DUS3L: variants seen among roughly 807,000 people sequenced by gnomAD.
The protein encoded by DUS3L is tRNA-dihydrouridine(47) synthase [NAD(P)(+)]-like.
In DUS3L, 62 loss-of-function variants were observed where a neutral mutation model predicts 74.6. That is an observed-to-expected ratio of 0.83 (90% CI 0.68 to 1.03). DUS3L has a LOEUF of 1.03. Ranked by LOEUF, DUS3L falls within the 50% of genes least tolerant of loss-of-function variation. DUS3L has a pLI of 0.00. For synonymous variants in DUS3L, 433 were observed against 395.7 expected (o/e 1.09, Z -1.12); for missense variants, 884 against 924.4 (o/e 0.96, Z 0.57).
Position 5,785,233 on chromosome 19 carries a change from CAAG to C in DUS3L, c.1920_1922del (p.Phe640del), listed in dbSNP as rs750273242. 1 of 1,610,464 alleles carries C rather than the reference CAAG, an allele frequency of 6.2e-7. No homozygotes were observed. Among genetic ancestry groups the C allele is most frequent in the South Asian group, 1.1e-5 (1 of 90,542 alleles). ...TGTACGCGTTGGCCTTGTGCTTCGG[CAAG>C]AAGGCGAAGCTGGGGGGCACTGGCC... is the stretch of plus-strand genomic sequence containing the variant. On this transcript the variant is annotated inframe_deletion, in exon 13 of 13. Transcript: ENST00000309061.
Position 5,787,331 on chromosome 19 carries a change from T to C in DUS3L, c.1243A>G (p.Thr415Ala). ...CCACGGACGATCTGCTGGAACTTGG[T>C]GGAGCGATTCATGAGGGCACAGCCC... Reference protein sequence around the residue: ...GGGCALMNRSTKFQQIVRGMN... With the variant: ...GGGCALMNRSAKFQQIVRGMN... The change falls in exon 7 of 13, where the codon ACC becomes GCC. Residue 415 changes from threonine to alanine, a missense_variant. By Grantham distance (58) the Thr-to-Ala change is moderately conservative. Transcript: ENST00000309061. 1 of 1,416,298 alleles carries C rather than the reference T, an allele frequency of 7.1e-7. No homozygotes were observed. The highest frequency in any genetic ancestry group is 2.3e-5 in the African/African-American group (1 of 42,686). The allele number at this position is 1,416,298 out of a possible 1,614,324, so 87.7% of individuals were successfully genotyped here.
At chr19:5,788,235 A>AC in intron 4 of DUS3L, 59 bp from the exon 5 acceptor site, 2 of 1,567,316 alleles carry the variant, frequency 1.3e-6, no homozygotes, top group South Asian at 2.3e-5. Flanking sequence ...ACACACACAC[A>AC]GCAGAACCCT....
At chr19:5,785,814 TG>T in intron 10 of DUS3L, 23 bp from the exon 11 acceptor site, 1 of 1,553,700 alleles carries the variant, frequency 6.4e-7, no homozygotes, top group Non-Finnish European at 8.7e-7. Context: ...TGACGATCAG[TG>T]GGCCCAGCCA....
chr19:5,787,773 C>T, intron 5 of DUS3L, 68 bp from the exon 6 acceptor site: 1 of 1,558,662 alleles, frequency 6.4e-7, no homozygotes, highest in Non-Finnish European at 8.8e-7. Flanking sequence ...TTGGCCGTTC[C>T]CTCCCCACTG....
chr19:5,786,898 G>A (rs2056848597), intron 8 of DUS3L, 53 bp from the exon 9 acceptor site: 1 of 1,550,628 alleles, frequency 6.4e-7, no homozygotes. Context: ...GACGCAGAGA[G>A]GAAGAGACCA....
At chr19:5,789,034 C>T in intron 3 of DUS3L, 173 bp downstream of exon 3, 1 of 806,458 alleles carries the variant, frequency 1.2e-6, no homozygotes, top group East Asian at 4.3e-5. Flanking sequence ...TCCCCACCTC[C>T]TGAGGGCTGG....
intron 2 of DUS3L, 135 bp from the exon 3 acceptor site, chr19:5,789,854 C>T (rs1177045855): frequency 3.2e-5 from 42 of 1,320,264 alleles, no homozygotes; most frequent in Non-Finnish European, 4.0e-5. Flanking sequence ...CGTGCCTCTG[C>T]ATCTCCATTT....
rs914011308 is a variant in DUS3L at position 5,790,756 on chromosome 19, G to GTAC, written c.98+285_98+287dup. 12 of 568,952 alleles carry GTAC rather than the reference G, an allele frequency of 2.1e-5. No homozygotes were observed. The East Asian group carries it at 3.6e-4, about 17-fold the overall frequency. The allele number at this position is 568,952 out of a possible 1,614,324, so 35.2% of individuals were successfully genotyped here. A position where few individuals can be genotyped will look rare whatever the true frequency, so the allele number is the denominator to read the frequency against. On this transcript the variant is annotated intron_variant, in intron 1 of 12. Coordinates refer to ENST00000309061, the MANE Select transcript of DUS3L (RefSeq NM_020175.3). ...CGGCCGCTGGCAGAGCACATGCGCCGTACGTCCATATGCAGGGACTACAAT... is the reference window on the plus strand; with the variant it reads ...CGGCCGCTGGCAGAGCACATGCGCCGTACTACGTCCATATGCAGGGACTACAAT...
chr19:5,786,664 G>A (rs1036293867), intron 9 of DUS3L, 85 bp downstream of exon 9: 21 of 1,572,230 alleles, frequency 1.3e-5, no homozygotes, highest in Non-Finnish European at 1.8e-5. Context: ...GTACGAGGGG[G>A]TCCCAAGTGG....
intron 8 of DUS3L, 93 bp downstream of exon 8, chr19:5,786,968 G>A (rs1465623105): frequency 7.4e-6 from 11 of 1,488,128 alleles, no homozygotes; most frequent in African/African-American, 2.8e-5. Flanking sequence ...GAGGTGTGGA[G>A]GTGAAGAGGG....
At position 5,787,223 on chromosome 19, in the gene DUS3L, C is replaced by CA. The variant is rs1599619328; in HGVS notation, c.1279-53_1279-52insT. The CA allele has an allele frequency of 1.2e-5, 3 of 248,756 alleles. No individual in the cohort carries two copies. In the African/African-American group the frequency reaches 3.7e-4, roughly 31 times the overall value. 15.4% of individuals were successfully genotyped at this position (248,756 alleles called of 1,614,324 possible). A position where few individuals can be genotyped will look rare whatever the true frequency, so the allele number is the denominator to read the frequency against. On this transcript the variant is annotated intron_variant, in intron 7 of 12. Transcript: ENST00000309061. ...GGAGATGGTGGGAGGTGGTGGGAGA[C>CA]GGTGGGAGGTGGTGGGAGACAGGGC...
At position 5,790,087 on chromosome 19, in the gene DUS3L, G is replaced by C. The variant is rs749065839; in HGVS notation, c.347C>G (p.Thr116Arg). ...QNKGRPHVKP[T>R]NYDKNRLCPS... Reference sequence around the variant, plus strand: ...ACACAGCCTGTTCTTGTCGTAGTTCGTGGGCTTCACATGGGGCCGGCCCTT... The same window carrying C: ...ACACAGCCTGTTCTTGTCGTAGTTCCTGGGCTTCACATGGGGCCGGCCCTT... Residue 116 changes from threonine to arginine, a missense_variant, in exon 2 of 13, where the codon ACG (threonine) becomes AGG (arginine). Thr to Arg is a moderately conservative substitution (Grantham distance 71). Coordinates refer to ENST00000309061, the MANE Select transcript of DUS3L (RefSeq NM_020175.3). 2 of 1,614,116 alleles carry C rather than the reference G, an allele frequency of 1.2e-6. No individual in the cohort carries two copies. The highest frequency in any genetic ancestry group is 1.7e-6 in the Non-Finnish European group (2 of 1,180,018).
intron 1 of DUS3L, 42 bp downstream of exon 1, chr19:5,791,002 C>G: frequency 6.5e-7 from 1 of 1,549,090 alleles, no homozygotes; most frequent in Non-Finnish European, 8.8e-7. Context: ...CTATGGGTGC[C>G]GGAAAAGGCC....
chr19:5,788,344 A>G lies in DUS3L; in HGVS notation c.942+13T>C. ...ACCCTGCCACCCGACCAGCCACCTG[A>G]CCCAGGTCCTACCGTGGTGAGGGGG... is the stretch of plus-strand genomic sequence containing the variant. On this transcript the variant is annotated intron_variant, in intron 4 of 12. Coordinates refer to ENST00000309061, the MANE Select transcript of DUS3L (RefSeq NM_020175.3). The G allele has an allele frequency of 6.2e-7, 1 of 1,613,564 alleles. No homozygotes were observed. Among genetic ancestry groups the G allele is most frequent in the Non-Finnish European group, 8.5e-7 (1 of 1,179,976 alleles).
At chr19:5,790,013 G>C (rs1009849173) in intron 2 of DUS3L, 34 bp downstream of exon 2, 5 of 1,606,408 alleles carry the variant, frequency 3.1e-6, no homozygotes, top group Non-Finnish European at 4.3e-6. Flanking sequence ...GCTCCTGCCT[G>C]CCCCGGCAGG....
intron 1 of DUS3L, chr19:5,790,676 C>CGCAGGCCCCA (rs2056901021): frequency 1.9e-6 from 1 of 537,372 alleles, no homozygotes; most frequent in African/African-American, 1.9e-5. Flanking sequence ...CTTCAAACAC[C>CGCAGGCCCCA]GCAGGCCCCA....
chr19:5,787,564 C>G (rs372038638), intron 6 of DUS3L, 25 bp downstream of exon 6: 12 of 1,608,456 alleles, frequency 7.5e-6, no homozygotes, highest in Admixed American at 6.7e-5. Flanking sequence ...ATGGGGAAAC[C>G]GAGGCACACG....
chr19:5,786,650 G>T, intron 9 of DUS3L, 99 bp downstream of exon 9: 1 of 1,570,142 alleles, frequency 6.4e-7, no homozygotes, highest in African/African-American at 1.3e-5. Flanking sequence ...CTCCCATCAG[G>T]GTGGTACGAG....
rs962419557 is a variant in DUS3L, at chr19:5,788,265, A to C, written c.943-89T>G. 3.1e-6 allele frequency: 5 copies of C among 1,609,982 alleles called. No homozygotes were observed. In the African/African-American group the frequency reaches 6.7e-5, roughly 22 times the overall value. On this transcript the variant is annotated intron_variant, in intron 4 of 12. Transcript: ENST00000309061. Reference sequence around the variant, plus strand: ...AACCCTGAATATGCGCCCCAGCCCCACAATCCAGTAGGTGGGGACAGACAC... The same window carrying C: ...AACCCTGAATATGCGCCCCAGCCCCCCAATCCAGTAGGTGGGGACAGACAC...
Sources: allele counts gnomAD v4.1 joint callset, GRCh38; gene constraint gnomAD v4.1.1; transcripts MANE v1.5; gene names NCBI Gene and HGNC (gene_info 2026-07-23, HGNC 2026-07-21).